Variants in PCYOX1 observed in about 807,000 individuals in gnomAD.
PCYOX1 encodes prenylcysteine oxidase 1.
Under a neutral mutation model 46.4 loss-of-function variants are expected in PCYOX1, and 46 were observed. The observed-to-expected ratio is 0.99, with a 90% CI of 0.78 to 1.27. PCYOX1 has a LOEUF of 1.27. PCYOX1 is among the 50% of genes most tolerant of loss of function. PCYOX1 has a pLI of 0.00. For synonymous variants in PCYOX1, 220 were observed against 231.8 expected, an observed-to-expected ratio of 0.95 and a Z score of 0.46; for missense variants, 658 against 628.3, an observed-to-expected ratio of 1.05 and a Z score of -0.51.
chr2:70,263,179 A>C, intron 3 of PCYOX1, among the ~76,000 whole-genome samples: 1 of 151,674 alleles, frequency 6.6e-6, no homozygotes, highest in East Asian at 1.9e-4. Context: ...GGTTGCAGTG[A>C]GCCACGATCG....
Position 70,280,887 on chromosome 2 carries a change from T to C in PCYOX1, c.*3495T>C, listed in dbSNP as rs1305627910. 1.3e-5 allele frequency: 2 copies of C among 152,100 alleles called. No individual in the cohort carries two copies. Among genetic ancestry groups the C allele is most frequent in the East Asian group, 3.9e-4 (2 of 5,174 alleles). 9.4% of individuals were successfully genotyped at this position (152,100 alleles called of 1,614,324 possible). A position where few individuals can be genotyped will look rare whatever the true frequency, so the allele number is the denominator to read the frequency against. ...GTACAGTTTAAAAGTGATTCACGAT[T>C]TGCAGGCTTTTTATCAGATCACAAA... On this transcript the variant is annotated 3_prime_UTR_variant, in exon 6 of 6. Coordinates refer to ENST00000433351, the MANE Select transcript of PCYOX1 (RefSeq NM_016297.4).
chr2:70,258,044 G>T, upstream of PCYOX1: 2 of 721,442 alleles, frequency 2.8e-6, no homozygotes, highest in Non-Finnish European at 4.2e-6. Flanking sequence ...GGGCTCGCAG[G>T]ACCTGGGCGG....
Position 70,275,138 on chromosome 2 carries a change from A to G in PCYOX1, c.674A>G (p.Tyr225Cys), listed in dbSNP as rs1696652329. 1.2e-6 allele frequency: 2 copies of G among 1,614,046 alleles called. No individual in the cohort carries two copies. The highest frequency in any genetic ancestry group is 1.3e-5 in the African/African-American group (1 of 74,936). Residue 225 changes from tyrosine to cysteine, a missense_variant, in exon 4 of 6, where the codon TAT becomes TGT. Transcript: ENST00000433351. ...ATTGCTCCTGTTATGAGGGTCAATT[A>G]TGGCCAAAGCACGGACATCAATGCC... ...EMIAPVMRVN[Y>C]GQSTDINAFV...
chr2:70,270,613 T>TAA (rs1288590735), intron 3 of PCYOX1, among the ~76,000 whole-genome samples: 1 of 152,230 alleles, frequency 6.6e-6, no homozygotes, highest in African/African-American at 2.4e-5. Flanking sequence ...TTCCCCCAGG[T>TAA]GTTTGCCTGG....
rs1696376372 is a variant in PCYOX1 at position 70,258,241 on chromosome 2, A to G, written c.77A>G (p.Glu26Gly). ...TTGCTGTGCAGCTGCGGATGCCCCG[A>G]GGGCGCCGAGCTGCGTGCTCCGCCA... ...WLLLCSCGCP[E>G]GAELRAPPDK... The change falls in exon 1 of 6, where the codon GAG (glutamate) becomes GGG (glycine). Residue 26 changes from glutamate (E) to glycine (G), a missense_variant. Coordinates refer to ENST00000433351, the MANE Select transcript of PCYOX1 (RefSeq NM_016297.4). 6.3e-7 allele frequency: 1 copy of G among 1,594,762 alleles called. No homozygotes were observed. Among genetic ancestry groups the G allele is most frequent in the Non-Finnish European group, 8.5e-7 (1 of 1,175,702 alleles).
At chr2:70,275,925 C>G in intron 5 of PCYOX1, among the ~76,000 whole-genome samples, 1 of 151,638 alleles carries the variant, frequency 6.6e-6, no homozygotes, top group East Asian at 2.0e-4. Flanking sequence ...ATAGTTAAAC[C>G]CTGTCTCTAC....
At position 70,258,259 on chromosome 2, in the gene PCYOX1, C is replaced by T; in HGVS notation, c.95C>T (p.Ala32Val). ...CGCPEGAELR[A>V]PPDKIAIIGA... Reference sequence around the variant, plus strand: ...TGCCCCGAGGGCGCCGAGCTGCGTGCTCCGCCAGATAAAATCGGTAGGCGA... The same window carrying T: ...TGCCCCGAGGGCGCCGAGCTGCGTGTTCCGCCAGATAAAATCGGTAGGCGA... Residue 32 changes from alanine to valine, a missense_variant, in exon 1 of 6, where the codon GCT (alanine) becomes GTT (valine). Ala to Val is a moderately conservative substitution (Grantham distance 64). Coordinates refer to ENST00000433351, the MANE Select transcript of PCYOX1 (RefSeq NM_016297.4). The T allele has an allele frequency of 1.3e-6, 2 of 1,589,864 alleles. No homozygotes were observed. Among genetic ancestry groups the T allele is most frequent in the South Asian group, 1.1e-5 (1 of 90,032 alleles).
At chr2:70,266,308 G>A (rs1015425422) in intron 3 of PCYOX1, among the ~76,000 whole-genome samples, 2 of 151,978 alleles carry the variant, frequency 1.3e-5, no homozygotes, top group South Asian at 2.1e-4. Context: ...AGGGGTGTGC[G>A]TCCACGAGCC....
In PCYOX1 at chr2:70,258,157, T is replaced by G; in HGVS notation, c.-8T>G. 1 of 1,588,178 alleles carries G rather than the reference T, an allele frequency of 6.3e-7. No individual in the cohort carries two copies. Among genetic ancestry groups the G allele is most frequent in the Non-Finnish European group, 8.5e-7 (1 of 1,172,764 alleles). ...CTCTTGAGGCCAGCTGCAGAGCTTG[T>G]GGAGGCCATGGGGCGCGTCGTCGCG... On this transcript the variant is annotated 5_prime_UTR_variant, in exon 1 of 6. Transcript: ENST00000433351.
rs1696659981 is a variant in PCYOX1 at position 70,275,625 on chromosome 2, C to T, written c.818C>T (p.Ser273Leu). 6.2e-7 allele frequency: 1 copy of T among 1,614,102 alleles called. No individual in the cohort carries two copies. The highest frequency in any genetic ancestry group is 8.5e-7 in the Non-Finnish European group (1 of 1,180,000). Reference sequence around the variant, plus strand: ...TCCAAAAGCAATCTTATATCTGGCTCAGTAATGTACATCGAGGAGAAAACA... The same window carrying T: ...TCCAAAAGCAATCTTATATCTGGCTTAGTAATGTACATCGAGGAGAAAACA... The part of the protein sequence containing the change: ...QASKSNLISG[S>L]VMYIEEKTKT... The change falls in exon 5 of 6, where the codon TCA becomes TTA. Residue 273 changes from serine to leucine, a missense_variant. By Grantham distance (145) the Ser-to-Leu change is moderately radical. Transcript: ENST00000433351.
At chr2:70,267,616 C>T (rs945502407) in intron 3 of PCYOX1, among the ~76,000 whole-genome samples, 22 of 152,110 alleles carry the variant, frequency 1.4e-4, no homozygotes, top group Admixed American at 1.1e-3. Flanking sequence ...GGTGAAACCC[C>T]GTCTCCACCA....
intron 3 of PCYOX1, among the ~76,000 whole-genome samples, chr2:70,271,407 T>C (rs946180762): frequency 6.6e-6 from 1 of 151,484 alleles, no homozygotes; most frequent in Non-Finnish European, 1.5e-5. Flanking sequence ...TGAAAGAATC[T>C]ATCTTCAAAA....
At chr2:70,261,623 C>T (rs1000905992) in intron 3 of PCYOX1, among the ~76,000 whole-genome samples, 3 of 152,104 alleles carry the variant, frequency 2.0e-5, no homozygotes, top group Admixed American at 2.0e-4. Flanking sequence ...TTAGTGTTGC[C>T]AGATACTGTT....
At chr2:70,262,429 G>A (rs1479704348) in intron 3 of PCYOX1, among the ~76,000 whole-genome samples, 6 of 151,292 alleles carry the variant, frequency 4.0e-5, no homozygotes, top group Non-Finnish European at 7.4e-5. Flanking sequence ...GCCTCCCAAA[G>A]TGCTGGGATT....
rs1394494653 is a variant in PCYOX1, at chr2:70,280,836, T to C, written c.*3444T>C. 6.6e-6 allele frequency: 1 copy of C among 152,244 alleles called. No homozygotes were observed. The highest frequency in any genetic ancestry group is 1.5e-5 in the Non-Finnish European group (1 of 68,046). 9.4% of individuals were successfully genotyped at this position (152,244 alleles called of 1,614,324 possible). On this transcript the variant is annotated 3_prime_UTR_variant, in exon 6 of 6. Coordinates refer to ENST00000433351, the MANE Select transcript of PCYOX1 (RefSeq NM_016297.4). ...TGTGTTTGGTGTTTTACAAGAACTTTACCATACTGGTGTGTAGTCCATTCT... is the reference window on the plus strand; with the variant it reads ...TGTGTTTGGTGTTTTACAAGAACTTCACCATACTGGTGTGTAGTCCATTCT...
rs765177714 is a variant in PCYOX1 at position 70,277,407 on chromosome 2, T to G, written c.*15T>G. 44 of 1,562,904 alleles carry G rather than the reference T, an allele frequency of 2.8e-5. No individual in the cohort carries two copies. The highest frequency in any genetic ancestry group is 3.5e-5 in the Non-Finnish European group (40 of 1,147,344). On this transcript the variant is annotated 3_prime_UTR_variant, in exon 6 of 6. Coordinates refer to ENST00000433351, the MANE Select transcript of PCYOX1 (RefSeq NM_016297.4). ...CTGAACTATGAAGTGACACACTCCT[T>G]TTTCCCCTCCTAGTTCCAAATGACT...
chr2:70,258,117 G>GGGAGGACTGCGGGGCTCT (rs1559032479), upstream of PCYOX1: 2 of 1,439,106 alleles, frequency 1.4e-6, no homozygotes, highest in South Asian at 2.4e-5. Context: ...GCGCAGCGGT[G>GGGAGGACTGCGGGGCTCT]GGAGGACTGC....
intron 3 of PCYOX1, among the ~76,000 whole-genome samples, chr2:70,270,416 G>T (rs544765895): frequency 6.6e-6 from 1 of 152,320 alleles, no homozygotes; most frequent in East Asian, 1.9e-4. Flanking sequence ...TGGAGGAGCA[G>T]ATTTCCAGAG....
chr2:70,261,335 A>C lies in PCYOX1; in HGVS notation c.443A>C (p.Gln148Pro). ...VIKLVWRYGF[Q>P]SLRMHMWVED... is the part of the protein sequence containing the mutation. Reference sequence around the variant, plus strand: ...AAATTAGTTTGGCGCTATGGATTTCAATCCCTCCGTATGCACATGTGGGTA... The same window carrying C: ...AAATTAGTTTGGCGCTATGGATTTCCATCCCTCCGTATGCACATGTGGGTA... Residue 148 changes from glutamine to proline, a missense_variant, in exon 3 of 6, where the codon CAA becomes CCA. Physicochemically the swap from Gln to Pro is moderately conservative, Grantham distance 76. Transcript: ENST00000433351. 6.2e-7 allele frequency: 1 copy of C among 1,613,190 alleles called. No individual in the cohort carries two copies. Among genetic ancestry groups the C allele is most frequent in the Non-Finnish European group, 8.5e-7 (1 of 1,179,108 alleles).
Sources: gnomAD v4.1 joint callset for allele counts (sites outside exome capture counted in the v4.1 genomes callset) on GRCh38, gnomAD v4.1.1 for gene constraint, MANE v1.5 for transcripts, NCBI Gene and HGNC (gene_info 2026-07-23, HGNC 2026-07-21) for gene names.